Variants in CRK observed in about 807,000 individuals in gnomAD.
CRK encodes adapter molecule crk.
In CRK, 4 loss-of-function variants were observed where a neutral mutation model predicts 29.8. The ratio of observed to expected loss-of-function variants is 0.13; its 90% CI spans 0.07 to 0.31. The LOEUF is 0.31. Among genes scored for constraint, CRK ranks in the 10% least tolerant of loss-of-function variants. The probability of loss-of-function intolerance (pLI) is 1.00; values close to 1 mark genes in which losing one functional copy is unlikely to be tolerated. For missense variants in CRK, 274 were observed against 396.5 expected (o/e 0.69, Z 2.62); for synonymous variants, 153 against 164.9 (o/e 0.93, Z 0.55).
In CRK at chr17:1,450,182, G is replaced by A. The variant is rs1598305491; in HGVS notation, c.241+5695C>T. On this transcript the variant is annotated intron_variant, in intron 1 of 2. Transcript: ENST00000300574. ...ATCGTCCCACTGCACTCCAGCCTGGGCAACAGAGCAAGACTCTGTCTCAAA... is the reference window on the plus strand; with the variant it reads ...ATCGTCCCACTGCACTCCAGCCTGGACAACAGAGCAAGACTCTGTCTCAAA... Among the ~76,000 whole-genome samples the A allele has an allele frequency of 2.0e-5, 3 of 152,048 alleles. No homozygotes were observed. In the South Asian group the frequency reaches 6.2e-4, roughly 32 times the overall value.
intron 2 of CRK, chr17:1,424,422 G>A (rs1352645622): frequency 6.6e-6 from 1 of 152,310 alleles, no homozygotes; most frequent in Non-Finnish European, 1.5e-5. Context: ...ACTCGCACAA[G>A]ACCTGGCCTG....
intron 1 of CRK, among the ~76,000 whole-genome samples, chr17:1,453,667 G>A (rs996893424): frequency 2.0e-5 from 3 of 152,188 alleles, no homozygotes; most frequent in Non-Finnish European, 4.4e-5. Flanking sequence ...AACACTTTGG[G>A]AGTCTGAGGT....
intron 2 of CRK, among the ~76,000 whole-genome samples, chr17:1,430,352 T>G (rs567400148): frequency 1.3e-5 from 2 of 149,778 alleles, no homozygotes; most frequent in African/African-American, 5.0e-5. Flanking sequence ...CTGGGCTCAT[T>G]CTGATTATTA....
At chr17:1,424,558 C>G (rs978540536) in intron 2 of CRK, 1 of 152,332 alleles carries the variant, frequency 6.6e-6, no homozygotes, top group East Asian at 1.9e-4. Context: ...GAGGCCAAAA[C>G]TCCAGGTCCA....
chr17:1,454,658 T>C (rs2074042778), intron 1 of CRK, among the ~76,000 whole-genome samples: 1 of 152,172 alleles, frequency 6.6e-6, no homozygotes, highest in South Asian at 2.1e-4. Flanking sequence ...AGCTTCCTGA[T>C]TCATATGAGA....
Position 1,422,145 on chromosome 17 carries a change from ATT to A in CRK, c.*1366_*1367del, listed in dbSNP as rs536018335. The A allele has an allele frequency of 6.9e-6, 1 of 145,362 alleles. No homozygotes were observed. Among genetic ancestry groups the A allele is most frequent in the Non-Finnish European group, 1.5e-5 (1 of 65,804 alleles). The allele number at this position is 145,362 out of a possible 1,614,324, so 9.0% of individuals were successfully genotyped here. A position where few individuals can be genotyped will look rare whatever the true frequency, so the allele number is the denominator to read the frequency against. ...ATAAGTAATTCACAATTGGTTCAAC[ATT>A]TTTTTTTCTTTTTTTTTTCCTTTTT... On this transcript the variant is annotated 3_prime_UTR_variant, in exon 3 of 3. Transcript: ENST00000300574.
intron 1 of CRK, among the ~76,000 whole-genome samples, chr17:1,447,088 G>A (rs2073981225): frequency 6.6e-6 from 1 of 152,160 alleles, no homozygotes; most frequent in African/African-American, 2.4e-5. Flanking sequence ...AGGAAGGGAG[G>A]AGAACAGAAC....
intron 1 of CRK, among the ~76,000 whole-genome samples, chr17:1,450,558 A>G (rs1242761322): frequency 6.6e-6 from 1 of 151,998 alleles, no homozygotes; most frequent in African/African-American, 2.4e-5. Flanking sequence ...GCCATTCCAT[A>G]TAATTTTCAC....
intron 2 of CRK, among the ~76,000 whole-genome samples, chr17:1,429,517 G>T (rs2073816626): frequency 6.6e-6 from 1 of 151,864 alleles, no homozygotes; most frequent in Admixed American, 6.6e-5. Flanking sequence ...CAAGTGATTT[G>T]CCCAACTCGG....
At chr17:1,427,029 CCAAAAAAAAAAAAAAAAAAAA>C (rs1568007905) in intron 2 of CRK, among the ~76,000 whole-genome samples, 1 of 30,808 alleles carries the variant, frequency 3.2e-5, no homozygotes, top group Non-Finnish European at 5.5e-5. Flanking sequence ...AAAACTGTCT[CCAAAAAAAAAAAAAAAAAAAA>C]AAAAAAAAAA....
chr17:1,428,181 C>G (rs1021814200), intron 2 of CRK, among the ~76,000 whole-genome samples: 1 of 149,218 alleles, frequency 6.7e-6, no homozygotes, highest in Non-Finnish European at 1.5e-5. Context: ...TGCAGTGGTA[C>G]GATGCTGGCT....
chr17:1,445,191 C>T (rs1458108853), intron 1 of CRK, among the ~76,000 whole-genome samples: 1 of 151,756 alleles, frequency 6.6e-6, no homozygotes, highest in Non-Finnish European at 1.5e-5. Flanking sequence ...GGTAATAAGA[C>T]ACAATGTTAA....
chr17:1,454,566 C>T (rs953913483), intron 1 of CRK, among the ~76,000 whole-genome samples: 2 of 152,162 alleles, frequency 1.3e-5, no homozygotes, highest in African/African-American at 2.4e-5. Context: ...GACTGCCTAT[C>T]CAATTCTCTA....
intron 2 of CRK, 85 bp from the exon 3 acceptor site, chr17:1,423,735 G>A: frequency 1.3e-6 from 2 of 1,543,568 alleles, no homozygotes; most frequent in Non-Finnish European, 1.8e-6. Flanking sequence ...GGCACACCCT[G>A]CCCATGTGAC....
intron 2 of CRK, among the ~76,000 whole-genome samples, chr17:1,425,437 C>G (rs1311030443): frequency 1.3e-5 from 2 of 152,106 alleles, no homozygotes; most frequent in African/African-American, 4.8e-5. Context: ...CTCTGTCACT[C>G]AGGCTGGAGA....
chr17:1,450,478 G>C (rs1412864190), intron 1 of CRK, among the ~76,000 whole-genome samples: 1 of 151,902 alleles, frequency 6.6e-6, no homozygotes, highest in Non-Finnish European at 1.5e-5. Context: ...CTGCCCTCCG[G>C]CCCGGCGTGG....
chr17:1,440,698 G>A (rs1041705274), intron 1 of CRK, among the ~76,000 whole-genome samples: 2 of 152,076 alleles, frequency 1.3e-5, no homozygotes, highest in South Asian at 4.1e-4. Flanking sequence ...GGATCATGAG[G>A]ACAGGAGAGC....
chr17:1,430,096 G>A (rs1012655998), intron 2 of CRK, among the ~76,000 whole-genome samples: 9 of 151,010 alleles, frequency 6.0e-5, no homozygotes, highest in South Asian at 2.1e-4. Context: ...CCAGGCTGGA[G>A]TGCAGTGGCA....
chr17:1,456,078 A>C lies in CRK; in HGVS notation c.40T>G (p.Tyr14Asp). The C allele has an allele frequency of 1.3e-6, 2 of 1,582,866 alleles. No homozygotes were observed. The highest frequency in any genetic ancestry group is 1.1e-5 in the South Asian group (1 of 87,826). Residue 14 changes from tyrosine (Y) to aspartate (D), a missense_variant, in exon 1 of 3, where the codon TAC (tyrosine) becomes GAC (aspartate). Around this residue, in one of 3 missense-constraint regions of CRK, gnomAD observed 135 missense variants for 180.9 expected, o/e 0.75. Coordinates refer to ENST00000300574, the MANE Select transcript of CRK (RefSeq NM_016823.4). ...NFDSEERSSW[Y>D]WGRLSRQEAV... ...TCCTGCCGACTCAACCTCCCCCAGT[A>C]CCAGCTACTCCGCTCCTCCGAGTCG...
Sources: allele counts gnomAD v4.1 joint callset (sites outside exome capture counted in the v4.1 genomes callset), GRCh38; gene constraint gnomAD v4.1.1; regional missense constraint gnomAD v4.1.1; transcripts MANE v1.5; gene names NCBI Gene and HGNC (gene_info 2026-07-23, HGNC 2026-07-21).